Variants in ZCCHC2 observed in about 807,000 individuals in gnomAD.
ZCCHC2 encodes the protein zinc finger CCHC domain-containing protein 2.
ZCCHC2 carries 39 observed loss-of-function variants against 103.6 expected under a neutral mutation model. The ratio of observed to expected loss-of-function variants is 0.38; its 90% CI spans 0.29 to 0.49. The LOEUF is 0.49. Ranked by LOEUF, ZCCHC2 falls within the 20% of genes least tolerant of loss-of-function variation. The probability of loss-of-function intolerance (pLI) is 0.96; values close to 1 mark genes in which losing one functional copy is unlikely to be tolerated. For synonymous variants in ZCCHC2, 687 were observed against 608.9 expected (o/e 1.13, Z -1.89); for missense variants, 1,483 against 1,491.0 (o/e 0.99, Z 0.09).
At chr18:62,528,022 G>C (rs1043166146) in intron 1 of ZCCHC2, among the ~76,000 whole-genome samples, 1 of 152,164 alleles carries the variant, frequency 6.6e-6, no homozygotes. Context: ...GGTATAAGAA[G>C]CATAAAATAT....
intron 11 of ZCCHC2, among the ~76,000 whole-genome samples, chr18:62,568,971 T>C (rs1254368816): frequency 1.3e-5 from 2 of 152,194 alleles, no homozygotes; most frequent in East Asian, 3.8e-4. Context: ...GCTGTGTAGG[T>C]ATCCTCCAGG....
intron 1 of ZCCHC2, among the ~76,000 whole-genome samples, chr18:62,529,181 AG>A (rs1376458914): frequency 5.3e-5 from 8 of 151,056 alleles, no homozygotes; most frequent in Non-Finnish European, 7.4e-5. Context: ...AAAAAAAAAA[AG>A]ATGCTTTTTA....
rs199538253 is a variant in ZCCHC2, at chr18:62,539,732, G to A, written c.991G>A (p.Glu331Lys). The A allele has an allele frequency of 3.7e-5, 59 of 1,607,306 alleles. No individual in the cohort carries two copies. In the African/African-American group the frequency reaches 6.3e-4, roughly 17 times the overall value. The change falls in exon 2 of 14, where the codon GAG becomes AAG. Residue 331 changes from glutamate (E) to lysine (K), a missense_variant. Transcript: ENST00000269499. The part of the protein sequence containing the change: ...YMQNNESSLI[E>K]QAPIPQDGLT... ...GCAAAATAACGAGAGCAGCTTAATAGAGCAAGCTCCAATACCTCAGGACGG... is the reference window on the plus strand; with the variant it reads ...GCAAAATAACGAGAGCAGCTTAATAAAGCAAGCTCCAATACCTCAGGACGG...
intron 1 of ZCCHC2, among the ~76,000 whole-genome samples, chr18:62,531,056 T>TA (rs1914651918): frequency 6.6e-6 from 1 of 152,138 alleles, no homozygotes; most frequent in South Asian, 2.1e-4. Context: ...AATGTTAAGC[T>TA]AATTTTTTTT....
intron 8 of ZCCHC2, among the ~76,000 whole-genome samples, 176 bp from the exon 9 acceptor site, chr18:62,562,833 A>G (rs1282989795): frequency 1.3e-5 from 2 of 152,240 alleles, no homozygotes; most frequent in African/African-American, 2.4e-5. Context: ...TTAATGATAA[A>G]TAGATGTGTA....
Position 62,523,414 on chromosome 18 carries a change from C to G in ZCCHC2, c.-11C>G, listed in dbSNP as rs1304246532. The G allele has an allele frequency of 3.7e-6, 4 of 1,071,558 alleles. No homozygotes were observed. Among genetic ancestry groups the G allele is most frequent in the Non-Finnish European group, 4.5e-6 (4 of 880,780 alleles). 66.4% of individuals were successfully genotyped at this position (1,071,558 alleles called of 1,614,324 possible). A position where few individuals can be genotyped will look rare whatever the true frequency, so the allele number is the denominator to read the frequency against. ...GCCCCCGCTCGCATGTCTGCGCCGC[C>G]CTAGCCGAGGATGCTGAGGATGAAG... On this transcript the variant is annotated 5_prime_UTR_variant, in exon 1 of 14. Transcript: ENST00000269499.
At chr18:62,547,549 G>T (rs8087029) in intron 4 of ZCCHC2, among the ~76,000 whole-genome samples, 1,570 of 142,608 alleles carry the variant, frequency 0.011, 26 homozygotes, top group African/African-American at 0.038. Context: ...GGGTTTGTTT[G>T]TTTTTTTTTT....
chr18:62,530,517 T>G lies in ZCCHC2; in HGVS notation c.939+6154T>G, dbSNP rs181983536. Among the ~76,000 whole-genome samples the G allele has an allele frequency of 6.7e-5, 10 of 149,372 alleles. No individual in the cohort carries two copies. The East Asian group carries it at 1.8e-3, about 26-fold the overall frequency. ...GCAGTGTTTTCAGGAATATGGTTTG[T>G]TTTTTTTTTAACCTAATAAAAATCC... On this transcript the variant is annotated intron_variant, in intron 1 of 13. Coordinates refer to ENST00000269499, the MANE Select transcript of ZCCHC2 (RefSeq NM_017742.6).
chr18:62,574,341 A>C lies in ZCCHC2; in HGVS notation c.2260A>C (p.Ser754Arg). 6.2e-7 allele frequency: 1 copy of C among 1,614,008 alleles called. No homozygotes were observed. The highest frequency in any genetic ancestry group is 1.3e-5 in the African/African-American group (1 of 75,048). Residue 754 changes from serine to arginine, a missense_variant, in exon 13 of 14, where the codon AGT becomes CGT. Around this residue, in one of 3 missense-constraint regions of ZCCHC2, gnomAD observed 884 missense variants for 907.5 expected, o/e 0.97. Transcript: ENST00000269499. ...DGKTIGMLVP[S>R]PVAISAIRES... ...CAAAACCATAGGGATGCTTGTTCCTAGTCCTGTTGCTATTTCTGCAATAAG... is the reference window on the plus strand; with the variant it reads ...CAAAACCATAGGGATGCTTGTTCCTCGTCCTGTTGCTATTTCTGCAATAAG...
chr18:62,533,258 G>A (rs907404838), intron 1 of ZCCHC2, among the ~76,000 whole-genome samples: 6 of 152,160 alleles, frequency 3.9e-5, no homozygotes, highest in Non-Finnish European at 8.8e-5. Flanking sequence ...GGGTGTGGTG[G>A]CTTACGCCTG....
chr18:62,556,937 C>T (rs1479245369), intron 6 of ZCCHC2, among the ~76,000 whole-genome samples: 1 of 152,224 alleles, frequency 6.6e-6, no homozygotes, highest in East Asian at 1.9e-4. Flanking sequence ...TCAGGCCTCA[C>T]TGTGACCTTC....
rs142422088 is a variant in ZCCHC2 at position 62,553,156 on chromosome 18, ATGTGTGTGTGTGTGTGTG to A, written c.1313+2726_1313+2743del. On this transcript the variant is annotated intron_variant, in intron 5 of 13. Transcript: ENST00000269499. ...TGTGCACATACATGCCCTTAGATTT[ATGTGTGTGTGTGTGTGTG>A]TGTGTGTGTGTGTGTGTGTGTGTGT... is the stretch of plus-strand genomic sequence containing the variant. 6.2e-3 allele frequency among the ~76,000 whole-genome samples: 861 copies of A among 139,854 alleles called. 6 individuals are homozygous for A. Among genetic ancestry groups the A allele is most frequent in the South Asian group, 0.017 (69 of 4,130 alleles). The allele number at this position is 139,854 out of a possible 152,430, so 91.7% of individuals were successfully genotyped here.
chr18:62,556,463 G>T (rs148118830), intron 6 of ZCCHC2, among the ~76,000 whole-genome samples, 166 bp downstream of exon 6: 5 of 152,324 alleles, frequency 3.3e-5, no homozygotes, highest in South Asian at 2.1e-4. Flanking sequence ...TTTAAAGAAG[G>T]TCATGAATAA....
chr18:62,561,963 T>G (rs1258991822), intron 8 of ZCCHC2, among the ~76,000 whole-genome samples: 4 of 152,134 alleles, frequency 2.6e-5, no homozygotes, highest in African/African-American at 9.7e-5. Flanking sequence ...TCCTTGTATG[T>G]TAGATTTTTC....
At chr18:62,578,734 T>A (rs138395460), downstream of ZCCHC2, among the ~76,000 whole-genome samples, 11 of 152,226 alleles carry the variant, frequency 7.2e-5, no homozygotes, top group Middle Eastern at 3.4e-3. Flanking sequence ...CCAAAGTTAT[T>A]TACCATCTGG....
Position 62,563,060 on chromosome 18 carries a change from T to A in ZCCHC2, c.1602T>A (p.Ser534=). ...TGGATGGGCTTACCATGCAATATTC[T>A]GAACAGAATGGAATTGTGGATTGGA... ...SPLDGLTMQY[S]EQNGIVDWRK... Residue 534 remains serine (S), a synonymous_variant, in exon 9 of 14, where the codon TCT becomes TCA. Transcript: ENST00000269499. 1 of 1,613,986 alleles carries A rather than the reference T, an allele frequency of 6.2e-7. No homozygotes were observed. The highest frequency in any genetic ancestry group is 1.3e-5 in the African/African-American group (1 of 75,062).
intron 11 of ZCCHC2, among the ~76,000 whole-genome samples, chr18:62,569,120 A>G (rs1020542258): frequency 7.9e-5 from 12 of 152,316 alleles, no homozygotes; most frequent in Non-Finnish European, 1.3e-4. Flanking sequence ...CAACATTCCT[A>G]ATGACTTTAT....
At chr18:62,534,899 A>G (rs1219917590) in intron 1 of ZCCHC2, among the ~76,000 whole-genome samples, 1 of 152,258 alleles carries the variant, frequency 6.6e-6, no homozygotes, top group Non-Finnish European at 1.5e-5. Context: ...GTCCTAATGC[A>G]GTGTTGGCAA....
In ZCCHC2 at chr18:62,523,766, C is replaced by A. The variant is rs1379923429; in HGVS notation, c.342C>A (p.Phe114Leu). Reference sequence around the variant, plus strand: ...TGGGCTCGGCGCAGCGCCTGGAGTTCATGTGCGGGCTGCTGGACCTGTGCA... The same window carrying A: ...TGGGCTCGGCGCAGCGCCTGGAGTTAATGTGCGGGCTGCTGGACCTGTGCA... Reference protein sequence around the residue: ...LVLGSAQRLEFMCGLLDLCNP... With the variant: ...LVLGSAQRLELMCGLLDLCNP... The change falls in exon 1 of 14, where the codon TTC becomes TTA. Residue 114 changes from phenylalanine (F) to leucine (L), a missense_variant. Transcript: ENST00000269499. 1.3e-6 allele frequency: 2 copies of A among 1,534,734 alleles called. No homozygotes were observed. Among genetic ancestry groups the A allele is most frequent in the Non-Finnish European group, 8.7e-7 (1 of 1,145,296 alleles).
Sources: gnomAD v4.1 joint callset for allele counts (sites outside exome capture counted in the v4.1 genomes callset) on GRCh38, gnomAD v4.1.1 for gene constraint, gnomAD v4.1.1 regional missense constraint, MANE v1.5 for transcripts, NCBI Gene and HGNC (gene_info 2026-07-23, HGNC 2026-07-21) for gene names.